The following ATRX variants were observed in gnomAD, a reference collection of about 807,000 sequenced individuals.
ATRX encodes the protein ATRX chromatin remodeler, also known as chromatin remodeler ATRX.
ATRX carries 12 observed loss-of-function variants against 172.6 expected under a neutral mutation model. That is an observed-to-expected ratio of 0.07 (90% CI 0.04 to 0.11). The LOEUF is 0.11. ATRX is among the 10% of genes least tolerant of loss of function. ATRX has a pLI of 1.00. For missense variants in ATRX, 1,368 were observed against 1,767.4 expected (o/e 0.77, Z 4.05); for synonymous variants, 674 against 594.7 (o/e 1.13, Z -1.94).
intron 30 of ATRX, among the ~76,000 whole-genome samples, chrX:77,543,572 T>C (rs1301698337): frequency 8.9e-6 from 1 of 111,856 alleles, no homozygotes; most frequent in Admixed American, 9.5e-5. Flanking sequence ...TGCCCATCAA[T>C]GACAGACTGA....
intron 30 of ATRX, among the ~76,000 whole-genome samples, chrX:77,552,683 C>G (rs977405940): frequency 1.5e-4 from 17 of 110,931 alleles, no homozygotes; most frequent in Non-Finnish European, 2.1e-4. Flanking sequence ...GCAGTTCTTG[C>G]CTTTAAAGAG....
intron 16 of ATRX, 110 bp downstream of exon 16, chrX:77,635,805 C>A: frequency 1.4e-6 from 1 of 698,131 alleles, no homozygotes; most frequent in Non-Finnish European, 2.1e-6. Context: ...TTCCCCACCC[C>A]ACTCACCAAT....
chrX:77,578,030 C>T (rs2065689214), intron 27 of ATRX, among the ~76,000 whole-genome samples: 2 of 111,523 alleles, frequency 1.8e-5, no homozygotes, highest in African/African-American at 6.5e-5. Context: ...AGAATCAGTG[C>T]ACTTGCGGGA....
intron 6 of ATRX, among the ~76,000 whole-genome samples, chrX:77,691,885 T>C (rs2071910263): frequency 8.9e-6 from 1 of 111,892 alleles, no homozygotes; most frequent in Non-Finnish European, 1.9e-5. Flanking sequence ...TAACAAATCA[T>C]TAAGATGAAA....
Position 77,672,224 on chromosome X carries a change from CA to C in ATRX, c.3809+4001del, listed in dbSNP as rs201714284. 4.3e-3 allele frequency among the ~76,000 whole-genome samples: 457 copies of C among 105,438 alleles called. 2 individuals carry two copies. Among genetic ancestry groups the C allele is most frequent in the African/African-American group, 0.012 (349 of 29,212 alleles). 91.6% of individuals were successfully genotyped at this position (105,438 alleles called of 115,157 possible). On this transcript the variant is annotated intron_variant, in intron 10 of 34. Transcript: ENST00000373344. ...TTTTGCTAACGAAACAGAACTACCA[CA>C]AAAAAAAAATCACAGAAAAAAATTA...
At chrX:77,510,195 G>A (rs1335700156) in intron 34 of ATRX, among the ~76,000 whole-genome samples, 2 of 111,656 alleles carry the variant, frequency 1.8e-5, no homozygotes, top group Non-Finnish European at 3.8e-5. Context: ...TGGGCCAGAG[G>A]AAACTCATTC....
Position 77,773,701 on chromosome X carries a change from G to A in ATRX, c.20+12281C>T, listed in dbSNP as rs1237568633. Among the ~76,000 whole-genome samples, 3 of 109,019 alleles carry A rather than the reference G, an allele frequency of 2.8e-5. No homozygotes were observed. In the Admixed American group the frequency reaches 3.0e-4, roughly 11 times the overall value. 94.7% of individuals were successfully genotyped at this position (109,019 alleles called of 115,157 possible). On this transcript the variant is annotated intron_variant, in intron 1 of 34. Coordinates refer to ENST00000373344, the MANE Select transcript of ATRX (RefSeq NM_000489.6). ...CAGGAGGCGGAGGCTGCAGTGAGCC[G>A]AGATCGCACGTCTGCACACCAGCCT...
intron 27 of ATRX, among the ~76,000 whole-genome samples, chrX:77,579,541 C>T (rs781906390): frequency 9.0e-6 from 1 of 111,168 alleles, no homozygotes; most frequent in South Asian, 3.8e-4. Flanking sequence ...TTATACAAGA[C>T]CACCAAAATG....
At position 77,664,993 on chromosome X, in the gene ATRX, T is replaced by C. The variant is rs540246874; in HGVS notation, c.3810-215A>G. Among the ~76,000 whole-genome samples, 31 of 112,428 alleles carry C rather than the reference T, an allele frequency of 2.8e-4. No homozygotes were observed. In the South Asian group the frequency reaches 5.8e-3, roughly 21 times the overall value. ...TTACACTTATTATTTCTCAATTCTATACAATTCTGCAATATATTGAAAACT... is the reference window on the plus strand; with the variant it reads ...TTACACTTATTATTTCTCAATTCTACACAATTCTGCAATATATTGAAAACT... On this transcript the variant is annotated intron_variant, in intron 10 of 34. Coordinates refer to ENST00000373344, the MANE Select transcript of ATRX (RefSeq NM_000489.6).
At chrX:77,671,196 A>ATATATATAT (rs2070592866) in intron 10 of ATRX, among the ~76,000 whole-genome samples, 1 of 88,173 alleles carries the variant, frequency 1.1e-5, no homozygotes, top group Non-Finnish European at 2.2e-5. Flanking sequence ...ATATATATAT[A>ATATATATAT]AAACTAAGGC....
intron 11 of ATRX, 90 bp downstream of exon 11, chrX:77,664,555 T>C: frequency 8.7e-7 from 1 of 1,147,586 alleles, no homozygotes; most frequent in Non-Finnish European, 1.2e-6. Context: ...CGGGCCATAT[T>C]AAGATATTTC....
intron 15 of ATRX, among the ~76,000 whole-genome samples, chrX:77,650,351 A>C (rs1015518002): frequency 1.8e-5 from 2 of 112,024 alleles, no homozygotes; most frequent in African/African-American, 6.5e-5. Context: ...TCTTATTACC[A>C]ATTTATACGA....
rs781822631 is a variant in ATRX, at chrX:77,697,049, C to A, written c.243-345G>T. Among the ~76,000 whole-genome samples the A allele has an allele frequency of 7.1e-5, 8 of 112,073 alleles. No homozygotes were observed. The South Asian group carries it at 2.9e-3, about 41-fold the overall frequency. ...AACAATGAAAGTCCAATAGACTAAG[C>A]GGCAAACTTCTAATAACAATTATAC... On this transcript the variant is annotated intron_variant, in intron 4 of 34. Coordinates refer to ENST00000373344, the MANE Select transcript of ATRX (RefSeq NM_000489.6).
chrX:77,539,763 T>A (rs1314923094), intron 30 of ATRX, among the ~76,000 whole-genome samples: 1 of 111,698 alleles, frequency 9.0e-6, no homozygotes, highest in Non-Finnish European at 1.9e-5. Context: ...GACAAGCAAA[T>A]GCTGAGAGAT....
At chrX:77,636,987 AAGGAAGGAGG>A (rs1363755845) in intron 15 of ATRX, among the ~76,000 whole-genome samples, 1 of 92,116 alleles carries the variant, frequency 1.1e-5, no homozygotes, top group Non-Finnish European at 2.0e-5. Context: ...AAGGAAGAAG[AAGGAAGGAGG>A]AGGAAGGAGG....
At chrX:77,654,625 G>A (rs1747938435) in intron 13 of ATRX, among the ~76,000 whole-genome samples, 1 of 111,357 alleles carries the variant, frequency 9.0e-6, no homozygotes, top group Non-Finnish European at 1.9e-5. Flanking sequence ...TTAGAAATTG[G>A]TACACAAAGC....
chrX:77,526,994 C>T (rs1273345099), intron 30 of ATRX, among the ~76,000 whole-genome samples: 1 of 112,598 alleles, frequency 8.9e-6, no homozygotes, highest in Non-Finnish European at 1.9e-5. Flanking sequence ...TGTTTGTTTT[C>T]TATCTTAAAA....
At chrX:77,694,195 T>A (rs1384235192) in intron 5 of ATRX, among the ~76,000 whole-genome samples, 1 of 111,945 alleles carries the variant, frequency 8.9e-6, no homozygotes, top group African/African-American at 3.2e-5. Flanking sequence ...AACAAATGTG[T>A]GAATCAAACA....
chrX:77,608,446 G>C (rs1374561254), intron 22 of ATRX, among the ~76,000 whole-genome samples: 2 of 109,705 alleles, frequency 1.8e-5, no homozygotes, highest in East Asian at 5.7e-4. Context: ...CACCTACAGT[G>C]AACGCATACT....
Sources: allele counts gnomAD v4.1 joint callset (sites outside exome capture counted in the v4.1 genomes callset), GRCh38; gene constraint gnomAD v4.1.1; transcripts MANE v1.5; gene names NCBI Gene and HGNC (gene_info 2026-07-23, HGNC 2026-07-21).